Variants in IQANK1 observed in about 807,000 individuals in gnomAD.
IQANK1 encodes IQ motif and ankyrin repeat domain-containing protein 1.
In IQANK1, 30 loss-of-function variants were observed where a neutral mutation model predicts 22.6. The ratio of observed to expected loss-of-function variants is 1.33; its 90% confidence interval spans 0.99 to 1.80. The LOEUF is 1.80. Ranked by LOEUF, IQANK1 falls within the 40% of genes most tolerant of loss-of-function variation. The pLI, the probability that IQANK1 is intolerant of heterozygous loss-of-function variation, is 0.00. For synonymous variants in IQANK1, 122 were observed against 99.6 expected, an observed-to-expected ratio of 1.23 and a Z score of -1.34; for missense variants, 275 against 235.2, an observed-to-expected ratio of 1.17 and a Z score of -1.11.
chr8:143,742,793 T>C (rs1554626755), intron 3 of IQANK1: 1 of 456,054 alleles, frequency 2.2e-6, no homozygotes, highest in Non-Finnish European at 4.4e-6. Flanking sequence ...CCTGGCTACT[T>C]TCACCTTAGC....
At chr8:143,740,283 G>C (rs1818870480) in intron 3 of IQANK1, among the ~76,000 whole-genome samples, 1 of 152,008 alleles carries the variant, frequency 6.6e-6, no homozygotes, top group Admixed American at 6.6e-5. Context: ...CGGGTCCGCC[G>C]CGTCGTGCCC....
At chr8:143,734,685 G>T (rs1818676393) in intron 1 of IQANK1, among the ~76,000 whole-genome samples, 1 of 151,616 alleles carries the variant, frequency 6.6e-6, no homozygotes, top group African/African-American at 2.4e-5. Flanking sequence ...CACACAAACA[G>T]GGGATGCCAT....
chr8:143,776,137 C>A (rs60726500), intron 7 of IQANK1, among the ~76,000 whole-genome samples: 2,932 of 146,454 alleles, frequency 0.02, 130 homozygotes, highest in African/African-American at 0.071. Flanking sequence ...CTGGCTAACA[C>A]GGTGAAACCC....
chr8:143,782,988 GTC>G (rs1819824301), intron 7 of IQANK1, among the ~76,000 whole-genome samples: 1 of 152,160 alleles, frequency 6.6e-6, no homozygotes, highest in Non-Finnish European at 1.5e-5. Context: ...GTGAGATTCA[GTC>G]TTGTTGCCTG....
At chr8:143,787,742 G>A (rs1044475169) in intron 7 of IQANK1, among the ~76,000 whole-genome samples, 14 of 149,782 alleles carry the variant, frequency 9.3e-5, no homozygotes, top group South Asian at 2.2e-4. Flanking sequence ...CGGCTCACCC[G>A]CGCACCCCAC....
intron 7 of IQANK1, among the ~76,000 whole-genome samples, chr8:143,782,597 C>T (rs901936055): frequency 1.1e-4 from 17 of 152,264 alleles, no homozygotes; most frequent in Middle Eastern, 3.4e-3. Context: ...TCTCCTGCCT[C>T]GGCCTCCTGA....
chr8:143,776,149 G>A (rs375219921), intron 7 of IQANK1, among the ~76,000 whole-genome samples: 10 of 150,866 alleles, frequency 6.6e-5, no homozygotes, highest in Non-Finnish European at 1.5e-5. Flanking sequence ...GTGAAACCCC[G>A]TCTCCACTAA....
intron 3 of IQANK1, among the ~76,000 whole-genome samples, chr8:143,747,098 C>A (rs1554627292): frequency 6.6e-6 from 1 of 152,164 alleles, no homozygotes; most frequent in Non-Finnish European, 1.5e-5. Context: ...CCAGGATGGT[C>A]TCGATCTCCT....
chr8:143,754,859 T>C (rs1168067198), intron 3 of IQANK1, among the ~76,000 whole-genome samples: 1 of 152,064 alleles, frequency 6.6e-6, no homozygotes, highest in Non-Finnish European at 1.5e-5. Context: ...ATCTCTTGAC[T>C]TCATGATCCG....
chr8:143,743,570 CCT>C (rs1363305600), intron 3 of IQANK1, among the ~76,000 whole-genome samples: 1 of 152,204 alleles, frequency 6.6e-6, no homozygotes, highest in Non-Finnish European at 1.5e-5. Flanking sequence ...TGCGTCCCCT[CCT>C]CGCTTGCTCA....
intron 3 of IQANK1, among the ~76,000 whole-genome samples, chr8:143,743,531 G>A (rs143281945): frequency 3.9e-5 from 6 of 152,278 alleles, no homozygotes; most frequent in Non-Finnish European, 7.4e-5. Flanking sequence ...GGAACACCTC[G>A]AGAGTGCATC....
At chr8:143,759,672 C>T (rs781978487) in intron 3 of IQANK1, 4 of 152,250 alleles carry the variant, frequency 2.6e-5, no homozygotes, top group African/African-American at 7.2e-5. Context: ...CAAGGATGCC[C>T]GCCTTGCGCC....
intron 7 of IQANK1, among the ~76,000 whole-genome samples, chr8:143,785,328 C>G (rs999750011): frequency 1.9e-4 from 26 of 140,476 alleles, no homozygotes; most frequent in African/African-American, 6.9e-4. Flanking sequence ...ATGATCTCAG[C>G]TCACTGCAAC....
At chr8:143,762,981 CCTTTT>C (rs376202410) in intron 3 of IQANK1, among the ~76,000 whole-genome samples, 178 of 149,838 alleles carry the variant, frequency 1.2e-3, no homozygotes, top group African/African-American at 4.2e-3. Flanking sequence ...CCTTTCCTTT[CCTTTT>C]GTTTTCCTTT....
At chr8:143,762,224 G>T (rs58166259) in intron 3 of IQANK1, among the ~76,000 whole-genome samples, 2 of 151,846 alleles carry the variant, frequency 1.3e-5, no homozygotes, top group Non-Finnish European at 2.9e-5. Flanking sequence ...GGTGGGAATC[G>T]CTTGAACCCA....
intron 7 of IQANK1, among the ~76,000 whole-genome samples, chr8:143,785,638 C>T (rs1563781383): frequency 6.6e-6 from 1 of 151,978 alleles, no homozygotes; most frequent in Non-Finnish European, 1.5e-5. Context: ...CAGTTAACTG[C>T]AGCCTTGACC....
chr8:143,749,775 G>T (rs1554627851), intron 3 of IQANK1, among the ~76,000 whole-genome samples: 1 of 149,556 alleles, frequency 6.7e-6, no homozygotes, highest in East Asian at 1.9e-4. Flanking sequence ...GTTGGCCGGG[G>T]TGGTCTCAAA....
intron 9 of IQANK1, 60 bp from the exon 10 acceptor site, chr8:143,789,376 A>G (rs1554631855): frequency 2.1e-6 from 2 of 937,968 alleles, no homozygotes; most frequent in Non-Finnish European, 2.8e-6. Flanking sequence ...CTGGGCCAGG[A>G]GTGACCTGGT....
chr8:143,761,115 T>G lies in IQANK1; in HGVS notation c.176-10373T>G, dbSNP rs986338064. Among the ~76,000 whole-genome samples the G allele has an allele frequency of 8.1e-4, 123 of 152,274 alleles. 1 individual carries two copies. The highest frequency in any genetic ancestry group is 2.9e-3 in the African/African-American group (119 of 41,562). On this transcript the variant is annotated intron_variant, in intron 3 of 13. Transcript: ENST00000527139. ...CAGCAGAGCGCGGAGCGGAGACTCC[T>G]GGGGCGCAGATCGGGGTAGGGCTGG...
Sources: allele counts gnomAD v4.1 joint callset (sites outside exome capture counted in the v4.1 genomes callset), GRCh38; gene constraint gnomAD v4.1.1; transcripts MANE v1.5; gene names NCBI Gene and HGNC (gene_info 2026-07-23, HGNC 2026-07-21).